Variants in LTBP1 observed in about 807,000 individuals in gnomAD.
The protein encoded by LTBP1 is latent-transforming growth factor beta-binding protein 1.
A neutral mutation model predicts 207.6 loss-of-function variants in LTBP1; 129 were observed. The ratio of observed to expected loss-of-function variants is 0.62; its 90% CI spans 0.54 to 0.72. The LOEUF (loss-of-function observed/expected upper bound fraction) is 0.72. LTBP1 is among the 30% of genes least tolerant of loss of function. The pLI, the probability that LTBP1 is intolerant of heterozygous loss-of-function variation, is 0.00. For missense variants in LTBP1, 2,281 were observed against 2,217.2 expected (o/e 1.03, Z -0.58); for synonymous variants, 963 against 833.7 (o/e 1.16, Z -2.67).
chr2:33,389,196 A>G lies in LTBP1; in HGVS notation c.4724A>G (p.Gln1575Arg), dbSNP rs1415795718. The change falls in exon 32 of 34, where the codon CAG (glutamine) becomes CGG (arginine). Residue 1575 changes from glutamine (Q) to arginine (R), a missense_variant. Gln to Arg is a conservative substitution (Grantham distance 43). Around this residue, in one of 3 missense-constraint regions of LTBP1, gnomAD observed 1,671 missense variants for 1,634.8 expected, o/e 1.02. Transcript: ENST00000404816. ...CPLKDSDDYAQLCNIPVTGRR... is the reference protein window; with the variant it reads ...CPLKDSDDYARLCNIPVTGRR... ...GTCTACTCCTTAGATGACTATGCTCAGCTGTGTAACATCCCCGTGACGGGA... is the reference window on the plus strand; with the variant it reads ...GTCTACTCCTTAGATGACTATGCTCGGCTGTGTAACATCCCCGTGACGGGA... 6.2e-7 allele frequency: 1 copy of G among 1,614,046 alleles called. No homozygotes were observed.
chr2:32,953,028 CT>C (rs1304992140), intron 2 of LTBP1, among the ~76,000 whole-genome samples: 2 of 152,216 alleles, frequency 1.3e-5, no homozygotes, highest in Non-Finnish European at 2.9e-5. Flanking sequence ...TTTTTACTCA[CT>C]TAACTCGTGG....
intron 3 of LTBP1, among the ~76,000 whole-genome samples, chr2:33,038,976 C>T (rs928251473): frequency 2.0e-5 from 3 of 152,234 alleles, no homozygotes; most frequent in African/African-American, 7.2e-5. Flanking sequence ...GCTCAGGGCT[C>T]TGCCTCCAGT....
rs142228718 is a variant in LTBP1 at position 33,127,308 on chromosome 2, C to T, written c.1034-7485C>T. 4.6e-3 allele frequency among the ~76,000 whole-genome samples: 701 copies of T among 152,138 alleles called. 1 individual carries two copies. Among genetic ancestry groups the T allele is most frequent in the African/African-American group, 0.011 (467 of 41,510 alleles). On this transcript the variant is annotated intron_variant, in intron 4 of 33. Coordinates refer to ENST00000404816, the MANE Select transcript of LTBP1 (RefSeq NM_206943.4). ...TCCTTCACTATGTCTGCCTCGGTGTCGGAAGAAAATTCCCAAGCCCTCTTT... is the reference window on the plus strand; with the variant it reads ...TCCTTCACTATGTCTGCCTCGGTGTTGGAAGAAAATTCCCAAGCCCTCTTT...
intron 19 of LTBP1, among the ~76,000 whole-genome samples, chr2:33,283,018 G>T (rs894945072): frequency 4.2e-5 from 6 of 143,304 alleles, no homozygotes; most frequent in African/African-American, 1.6e-4. Flanking sequence ...AGCCGAGATT[G>T]CGCCACTGCA....
intron 11 of LTBP1, among the ~76,000 whole-genome samples, chr2:33,256,513 C>T (rs1004903949): frequency 2.0e-5 from 3 of 151,462 alleles, no homozygotes; most frequent in Admixed American, 1.3e-4. Flanking sequence ...CTAACTTAGA[C>T]AAATGTCACT....
intron 24 of LTBP1, chr2:33,333,004 G>A (rs1190408297): frequency 6.6e-6 from 1 of 152,252 alleles, no homozygotes; most frequent in Admixed American, 6.5e-5. Context: ...AGCAAGGGTA[G>A]AGCTAGGGAG....
chr2:33,225,704 T>C (rs2091394718), intron 9 of LTBP1, among the ~76,000 whole-genome samples: 1 of 152,206 alleles, frequency 6.6e-6, no homozygotes, highest in Admixed American at 6.5e-5. Context: ...ATTTTGTATC[T>C]TTTAACAAAT....
chr2:32,959,382 A>G (rs1044022646), intron 2 of LTBP1, among the ~76,000 whole-genome samples: 27 of 152,140 alleles, frequency 1.8e-4, no homozygotes, highest in African/African-American at 6.0e-4. Context: ...GCTACCAGTA[A>G]GAAGCCACCA....
At position 33,204,762 on chromosome 2, in the gene LTBP1, G is replaced by A. The variant is rs952355521; in HGVS notation, c.1702-12790G>A. Among the ~76,000 whole-genome samples, 4 of 152,066 alleles carry A rather than the reference G, an allele frequency of 2.6e-5. 1 individual carries two copies. Among genetic ancestry groups the A allele is most frequent in the African/African-American group, 4.8e-5 (2 of 41,404 alleles). The stretch of plus-strand genomic sequence containing the variant: ...ACCTGGCCATGGGGCAAGCCTCTTC[G>A]TAAGACAATGCATTTTTAGAAAACT... On this transcript the variant is annotated intron_variant, in intron 7 of 33. Coordinates refer to ENST00000404816, the MANE Select transcript of LTBP1 (RefSeq NM_206943.4).
At chr2:33,204,302 C>T (rs1056674009) in intron 7 of LTBP1, among the ~76,000 whole-genome samples, 3 of 151,922 alleles carry the variant, frequency 2.0e-5, no homozygotes, top group African/African-American at 7.3e-5. Flanking sequence ...TGAGACTGTG[C>T]ATTTACTCTA....
chr2:33,379,196 C>CTTTTTTTT lies in LTBP1; in HGVS notation c.4712-9972_4712-9965dup, dbSNP rs550839552. 8.2e-4 allele frequency among the ~76,000 whole-genome samples: 89 copies of CTTTTTTTT among 108,502 alleles called. 1 individual carries two copies. The highest frequency in any genetic ancestry group is 2.7e-3 in the East Asian group (9 of 3,396). The allele number at this position is 108,502 out of a possible 152,430, so 71.2% of individuals were successfully genotyped here. On this transcript the variant is annotated intron_variant, in intron 31 of 33. Transcript: ENST00000404816. ...AAAGTAATTTCAGTTTTTGCCATTG[C>CTTTTTTTT]TTTTTTTTTTTTTTTTTTTTTTTCT...
chr2:33,002,312 C>G (rs1244234365), intron 2 of LTBP1, among the ~76,000 whole-genome samples: 1 of 152,146 alleles, frequency 6.6e-6, no homozygotes, highest in African/African-American at 2.4e-5. Context: ...TACATTTGTG[C>G]AGGTGGTGGA....
chr2:33,175,439 C>T (rs1196365687), intron 5 of LTBP1, among the ~76,000 whole-genome samples: 1 of 151,960 alleles, frequency 6.6e-6, no homozygotes, highest in East Asian at 1.9e-4. Flanking sequence ...AAATGCAAAT[C>T]AAAACCACAA....
intron 2 of LTBP1, among the ~76,000 whole-genome samples, chr2:32,965,688 A>G (rs750265176): frequency 1.3e-5 from 2 of 152,166 alleles, no homozygotes; most frequent in African/African-American, 4.8e-5. Context: ...ATAATATTCC[A>G]TTGTCTGGAT....
At chr2:33,392,327 T>C (rs184078869) in intron 32 of LTBP1, among the ~76,000 whole-genome samples, 1 of 152,110 alleles carries the variant, frequency 6.6e-6, no homozygotes, top group Non-Finnish European at 1.5e-5. Context: ...CCTGGGATTA[T>C]AGGCATGCAC....
intron 3 of LTBP1, among the ~76,000 whole-genome samples, chr2:33,078,336 A>G (rs1214179104): frequency 6.6e-6 from 1 of 152,206 alleles, no homozygotes; most frequent in Non-Finnish European, 1.5e-5. Context: ...TTAGTGAAGC[A>G]GGTATCCAGT....
intron 2 of LTBP1, among the ~76,000 whole-genome samples, chr2:32,953,162 A>T (rs1677453735): frequency 1.3e-5 from 2 of 152,148 alleles, no homozygotes; most frequent in African/African-American, 2.4e-5. Flanking sequence ...ATTTTCCTTA[A>T]ATTATATGCA....
At chr2:33,006,659 A>T (rs1298553019) in intron 2 of LTBP1, among the ~76,000 whole-genome samples, 1 of 132,428 alleles carries the variant, frequency 7.6e-6, no homozygotes, top group Non-Finnish European at 1.7e-5. Context: ...CTGGGATTAC[A>T]GGTGTGAACC....
intron 2 of LTBP1, among the ~76,000 whole-genome samples, chr2:32,995,895 A>AT (rs1294912124): frequency 6.6e-6 from 1 of 152,144 alleles, no homozygotes; most frequent in Non-Finnish European, 1.5e-5. Context: ...AGGAGGTATC[A>AT]TTTTCCCTGT....
Sources: allele counts gnomAD v4.1 joint callset (sites outside exome capture counted in the v4.1 genomes callset), GRCh38; gene constraint gnomAD v4.1.1; regional missense constraint gnomAD v4.1.1; transcripts MANE v1.5; gene names NCBI Gene and HGNC (gene_info 2026-07-23, HGNC 2026-07-21).